The following TRAPPC9 variants were observed in gnomAD, a reference collection of about 807,000 sequenced individuals.
TRAPPC9 encodes the protein IKK2 binding protein.
In TRAPPC9, 83 loss-of-function variants were observed where a neutral mutation model predicts 124.0. That is an observed-to-expected ratio of 0.67 (90% confidence interval 0.56 to 0.80). TRAPPC9 has a LOEUF of 0.80. Ranked by LOEUF, TRAPPC9 falls within the 30% of genes least tolerant of loss-of-function variation. The pLI, the probability that TRAPPC9 is intolerant of heterozygous loss-of-function variation, is 0.00. For synonymous variants in TRAPPC9, 638 were observed against 617.5 expected (o/e 1.03, Z -0.49); for missense variants, 1,302 against 1,508.3 (o/e 0.86, Z 2.27).
intron 19 of TRAPPC9, among the ~76,000 whole-genome samples, chr8:139,950,921 A>C (rs112759325): frequency 1.3e-5 from 2 of 152,154 alleles, no homozygotes; most frequent in Non-Finnish European, 2.9e-5. Flanking sequence ...AGGGAGCCGC[A>C]CCCGCCTTAC....
intron 15 of TRAPPC9, among the ~76,000 whole-genome samples, chr8:140,269,929 T>C (rs990423007): frequency 6.6e-6 from 1 of 151,858 alleles, no homozygotes; most frequent in East Asian, 1.9e-4. Context: ...TGAAAGTACA[T>C]CTCTACTAAA....
At position 140,098,433 on chromosome 8, in the gene TRAPPC9, CA is replaced by C. The variant is rs112390756; in HGVS notation, c.2557-74355del. On this transcript the variant is annotated intron_variant, in intron 17 of 22. Coordinates refer to ENST00000438773, the MANE Select transcript of TRAPPC9 (RefSeq NM_001160372.4). Reference sequence around the variant, plus strand: ...TCAGCTAGGTCTTCAAGCGCGGCTTCAGCAGCACCAGGCGATCCGCAGGCTA... The same window carrying C: ...TCAGCTAGGTCTTCAAGCGCGGCTTCGCAGCACCAGGCGATCCGCAGGCTA... 4.6e-5 allele frequency: 7 copies of C among 151,486 alleles called. 1 individual carries two copies. Among genetic ancestry groups the C allele is most frequent in the African/African-American group, 1.7e-4 (7 of 41,166 alleles). The allele number at this position is 151,486 out of a possible 1,614,324, so 9.4% of individuals were successfully genotyped here.
intron 20 of TRAPPC9, among the ~76,000 whole-genome samples, chr8:139,898,169 G>C (rs754036073): frequency 1.5e-4 from 23 of 152,222 alleles, no homozygotes; most frequent in Non-Finnish European, 3.1e-4. Flanking sequence ...TGCCCAGGAA[G>C]AGCAGCCCCA....
chr8:140,253,042 T>C lies in TRAPPC9; in HGVS notation c.2279-113A>G. On this transcript the variant is annotated intron_variant, in intron 15 of 22. Transcript: ENST00000438773. ...TCAAAAGCCAAGGAAAAAGAAGAGC[T>C]TTTAAAATGTGTAAGATCAAAGTGA... is the stretch of plus-strand genomic sequence containing the variant. 3 of 1,058,636 alleles carry C rather than the reference T, an allele frequency of 2.8e-6. No homozygotes were observed. In the Admixed American group the frequency reaches 6.3e-5, roughly 22 times the overall value. 65.6% of individuals were successfully genotyped at this position (1,058,636 alleles called of 1,614,324 possible).
chr8:140,378,860 G>A (rs556315805), intron 7 of TRAPPC9, among the ~76,000 whole-genome samples: 1 of 152,204 alleles, frequency 6.6e-6, no homozygotes, highest in African/African-American at 2.4e-5. Context: ...AAGGCCTACT[G>A]ACTTTCAGAA....
chr8:140,415,673 A>G (rs1028451304), intron 5 of TRAPPC9, among the ~76,000 whole-genome samples: 5 of 151,338 alleles, frequency 3.3e-5, no homozygotes, highest in African/African-American at 7.3e-5. Context: ...AAATACTTAC[A>G]TTTTTTAAAA....
intron 12 of TRAPPC9, among the ~76,000 whole-genome samples, chr8:140,288,391 C>T (rs1177019464): frequency 2.0e-5 from 3 of 152,210 alleles, no homozygotes; most frequent in Non-Finnish European, 2.9e-5. Context: ...CCCTGCCACA[C>T]ATCTGTGAGT....
intron 17 of TRAPPC9, among the ~76,000 whole-genome samples, chr8:140,170,713 G>A (rs533904879): frequency 4.3e-4 from 65 of 152,312 alleles, no homozygotes; most frequent in Middle Eastern, 3.4e-3. Flanking sequence ...CAAGGACGAC[G>A]TGGTTGTTTT....
intron 19 of TRAPPC9, among the ~76,000 whole-genome samples, chr8:139,959,358 C>T (rs1465653635): frequency 6.6e-6 from 1 of 152,188 alleles, no homozygotes; most frequent in African/African-American, 2.4e-5. Context: ...CTTTTGGGAG[C>T]CACAACATCC....
intron 17 of TRAPPC9, among the ~76,000 whole-genome samples, chr8:140,053,071 C>A (rs138942351): frequency 6.6e-6 from 1 of 152,310 alleles, no homozygotes; most frequent in Non-Finnish European, 1.5e-5. Context: ...ACAGAATTCC[C>A]ACAAATGAAT....
chr8:140,114,319 G>A (rs1006052585), intron 17 of TRAPPC9, among the ~76,000 whole-genome samples: 24 of 56,226 alleles, frequency 4.3e-4, no homozygotes, highest in Admixed American at 2.8e-3. Context: ...TCATAAGGAC[G>A]AAAAGGACTG....
intron 9 of TRAPPC9, among the ~76,000 whole-genome samples, chr8:140,346,375 T>G (rs1035770001): frequency 6.6e-6 from 1 of 152,184 alleles, no homozygotes. Context: ...AGAAAGGATG[T>G]AAAGGGAGCG....
chr8:140,347,691 C>T (rs973525938), intron 9 of TRAPPC9, among the ~76,000 whole-genome samples: 4 of 152,178 alleles, frequency 2.6e-5, no homozygotes, highest in African/African-American at 9.7e-5. Flanking sequence ...GAGCTGAGTT[C>T]AATCTCTCCT....
chr8:140,192,700 C>T (rs541514264), intron 17 of TRAPPC9, among the ~76,000 whole-genome samples: 13 of 152,334 alleles, frequency 8.5e-5, no homozygotes, highest in Admixed American at 2.6e-4. Flanking sequence ...TTAACTATTC[C>T]AACTAATCAT....
At chr8:140,276,896 G>C (rs962363859) in intron 14 of TRAPPC9, among the ~76,000 whole-genome samples, 3 of 152,092 alleles carry the variant, frequency 2.0e-5, no homozygotes, top group Non-Finnish European at 2.9e-5. Context: ...TTTCCACAGA[G>C]AGCCACAATT....
At chr8:139,940,899 G>A (rs1833871828) in intron 19 of TRAPPC9, among the ~76,000 whole-genome samples, 3 of 152,240 alleles carry the variant, frequency 2.0e-5, no homozygotes, top group Admixed American at 6.5e-5. Context: ...AAGGGGAGCT[G>A]GGGAAGGGGA....
At chr8:139,981,522 G>T (rs530457406) in intron 19 of TRAPPC9, among the ~76,000 whole-genome samples, 1 of 152,230 alleles carries the variant, frequency 6.6e-6, no homozygotes, top group African/African-American at 2.4e-5. Context: ...ATAACAACCT[G>T]CAAGAAGACT....
At chr8:139,995,913 A>C (rs939661353) in intron 18 of TRAPPC9, among the ~76,000 whole-genome samples, 1 of 151,016 alleles carries the variant, frequency 6.6e-6, no homozygotes, top group African/African-American at 2.4e-5. Flanking sequence ...TATTCAAACA[A>C]GATCCCAATG....
At chr8:139,840,881 C>T (rs985618441) in intron 21 of TRAPPC9, among the ~76,000 whole-genome samples, 3 of 152,198 alleles carry the variant, frequency 2.0e-5, no homozygotes, top group African/African-American at 7.2e-5. Flanking sequence ...GGCTGCCTCA[C>T]TCTGACATTC....
Sources: allele counts gnomAD v4.1 joint callset (sites outside exome capture counted in the v4.1 genomes callset), GRCh38; gene constraint gnomAD v4.1.1; transcripts MANE v1.5; gene names NCBI Gene and HGNC (gene_info 2026-07-23, HGNC 2026-07-21).